The following SGIP1 variants were observed in gnomAD, a reference collection of about 807,000 sequenced individuals.
The protein encoded by SGIP1 is SH3-containing GRB2-like protein 3-interacting protein 1.
SGIP1 carries 38 observed loss-of-function variants against 107.5 expected under a neutral mutation model. The observed-to-expected ratio is 0.35, with a 90% CI of 0.27 to 0.46. SGIP1 has a LOEUF of 0.46. SGIP1 is among the 20% of genes least tolerant of loss of function. The pLI, the probability that SGIP1 is intolerant of heterozygous loss-of-function variation, is 1.00. For synonymous variants in SGIP1, 365 were observed against 366.1 expected (o/e 1.00, Z 0.03); for missense variants, 929 against 1,019.5 (o/e 0.91, Z 1.21).
chr1:66,570,194 A>T (rs555365751), intron 1 of SGIP1, among the ~76,000 whole-genome samples: 26 of 151,716 alleles, frequency 1.7e-4, no homozygotes, highest in Middle Eastern at 3.4e-3. Flanking sequence ...TTCTATTATT[A>T]TTTTTAATAG....
chr1:66,542,875 A>G (rs2055339172), intron 1 of SGIP1, among the ~76,000 whole-genome samples: 2 of 152,298 alleles, frequency 1.3e-5, no homozygotes, highest in Admixed American at 1.3e-4. Context: ...AGCACTTATC[A>G]GCCAGGCTTG....
chr1:66,737,294 AATT>A (rs1445292809), intron 21 of SGIP1, among the ~76,000 whole-genome samples: 1 of 152,168 alleles, frequency 6.6e-6, no homozygotes, highest in Non-Finnish European at 1.5e-5. Context: ...AAATTTTTTA[AATT>A]ATTAAATCCT....
intron 1 of SGIP1, among the ~76,000 whole-genome samples, chr1:66,559,285 C>T (rs1314826244): frequency 6.6e-6 from 1 of 152,090 alleles, no homozygotes; most frequent in Admixed American, 6.6e-5. Context: ...AGCAAGCTGA[C>T]AGGCTTGCCA....
At chr1:66,661,264 CCT>C (rs1262915409) in intron 8 of SGIP1, among the ~76,000 whole-genome samples, 1 of 152,180 alleles carries the variant, frequency 6.6e-6, no homozygotes, top group Non-Finnish European at 1.5e-5. Flanking sequence ...ACAGAGGTGA[CCT>C]CTCTGCTGGA....
chr1:66,675,515 C>T (rs1220418382), intron 12 of SGIP1, among the ~76,000 whole-genome samples: 4 of 128,544 alleles, frequency 3.1e-5, no homozygotes, highest in East Asian at 2.3e-4. Context: ...CTTTCTTTTT[C>T]GTTGTTTTTC....
chr1:66,644,799 A>G lies in SGIP1; in HGVS notation c.459+1080A>G, dbSNP rs141818519. On this transcript the variant is annotated intron_variant, in intron 7 of 24. Transcript: ENST00000371037. The stretch of plus-strand genomic sequence containing the variant: ...TTGGTAACAACCAAAATGATTGCTA[A>G]GAGAAACTAACCACAGTAAATAATA... Among the ~76,000 whole-genome samples, 932 of 152,326 alleles carry G rather than the reference A, an allele frequency of 6.1e-3. 9 individuals are homozygous for G. Among genetic ancestry groups the G allele is most frequent in the African/African-American group, 0.021 (874 of 41,576 alleles).
intron 8 of SGIP1, among the ~76,000 whole-genome samples, chr1:66,661,639 G>A (rs2081499110): frequency 6.6e-6 from 1 of 152,180 alleles, no homozygotes; most frequent in African/African-American, 2.4e-5. Context: ...CGCCTGTTCT[G>A]TGGCAGCAAA....
chr1:66,716,250 T>A (rs935652946), intron 18 of SGIP1, among the ~76,000 whole-genome samples: 16 of 152,162 alleles, frequency 1.1e-4, no homozygotes, highest in Admixed American at 6.6e-4. Context: ...GCAATGGATG[T>A]ATAGCTACTG....
At chr1:66,569,171 G>A (rs2060052738) in intron 1 of SGIP1, among the ~76,000 whole-genome samples, 1 of 151,950 alleles carries the variant, frequency 6.6e-6, no homozygotes. Context: ...GGTACCCAGA[G>A]AGAAAGAGTT....
At chr1:66,577,441 A>G (rs1413518150) in intron 1 of SGIP1, among the ~76,000 whole-genome samples, 2 of 152,164 alleles carry the variant, frequency 1.3e-5, no homozygotes, top group Admixed American at 6.5e-5. Context: ...TTTTAACCTA[A>G]TCTAACCCTG....
chr1:66,549,849 C>A (rs1322789812), intron 1 of SGIP1, among the ~76,000 whole-genome samples: 1 of 152,156 alleles, frequency 6.6e-6, no homozygotes, highest in Non-Finnish European at 1.5e-5. Context: ...TCCATCTATA[C>A]ACTGACTCCC....
intron 1 of SGIP1, among the ~76,000 whole-genome samples, chr1:66,583,812 T>C (rs7532442): frequency 0.19 from 28,618 of 152,108 alleles, 3,195 homozygotes; most frequent in African/African-American, 0.31. Context: ...GTTATTCATC[T>C]TTGATGCCGT....
At position 66,632,479 on chromosome 1, in the gene SGIP1, A is replaced by G. The variant is rs35334468; in HGVS notation, c.75-591A>G. ...GAGGCAATTCAGGACCATTCGCAGA[A>G]GAAAAGATAAAACGGCTGGGCTCAG... is the stretch of plus-strand genomic sequence containing the variant. On this transcript the variant is annotated intron_variant, in intron 2 of 24. Coordinates refer to ENST00000371037, the MANE Select transcript of SGIP1 (RefSeq NM_032291.4). 6.2e-3 allele frequency among the ~76,000 whole-genome samples: 943 copies of G among 152,320 alleles called. 6 individuals are homozygous for G. Among genetic ancestry groups the G allele is most frequent in the South Asian group, 0.033 (158 of 4,830 alleles).
chr1:66,632,372 G>A (rs753890294), intron 2 of SGIP1, among the ~76,000 whole-genome samples: 1 of 152,208 alleles, frequency 6.6e-6, no homozygotes, highest in Non-Finnish European at 1.5e-5. Flanking sequence ...ATAATGGAAG[G>A]AGAGGTAAAC....
chr1:66,684,108 T>G (rs190494832), intron 15 of SGIP1: 2 of 1,550,504 alleles, frequency 1.3e-6, no homozygotes, highest in East Asian at 4.9e-5. Flanking sequence ...TTTTTACAGA[T>G]GGGAAAACTG....
intron 1 of SGIP1, among the ~76,000 whole-genome samples, chr1:66,594,541 G>C (rs1430433663): frequency 1.3e-5 from 2 of 152,194 alleles, no homozygotes; most frequent in African/African-American, 4.8e-5. Flanking sequence ...CTTAGCCTTG[G>C]AGATCCAGGT....
At chr1:66,733,627 A>G in intron 20 of SGIP1, 121 bp from the exon 21 acceptor site, 2 of 1,004,998 alleles carry the variant, frequency 2.0e-6, no homozygotes, top group Middle Eastern at 3.2e-4. Context: ...ATTCATAATA[A>G]TCTCTACAAA....
intron 19 of SGIP1, among the ~76,000 whole-genome samples, chr1:66,720,284 A>G (rs1163918706): frequency 2.0e-5 from 3 of 152,224 alleles, no homozygotes; most frequent in Non-Finnish European, 4.4e-5. Flanking sequence ...AAAACTAAAC[A>G]ACTAAGTCAG....
At chr1:66,712,809 G>T (rs1220252099) in intron 18 of SGIP1, among the ~76,000 whole-genome samples, 1 of 152,096 alleles carries the variant, frequency 6.6e-6, no homozygotes, top group African/African-American at 2.4e-5. Flanking sequence ...GTGTGACCTT[G>T]CTTGGTAATG....
Sources: gnomAD v4.1 joint callset for allele counts (sites outside exome capture counted in the v4.1 genomes callset) on GRCh38, gnomAD v4.1.1 for gene constraint, MANE v1.5 for transcripts, NCBI Gene and HGNC (gene_info 2026-07-23, HGNC 2026-07-21) for gene names.